Variants in ZNRF1 observed in about 807,000 individuals in gnomAD.
ZNRF1 encodes E3 ubiquitin-protein ligase ZNRF1.
ZNRF1 carries 3 observed loss-of-function variants against 18.4 expected under a neutral mutation model. The ratio of observed to expected loss-of-function variants is 0.16; its 90% confidence interval spans 0.07 to 0.42. The LOEUF is 0.42. Among genes scored for constraint, ZNRF1 ranks in the 10% least tolerant of loss-of-function variants. The probability of loss-of-function intolerance (pLI) is 0.99; values close to 1 mark genes in which losing one functional copy is unlikely to be tolerated. For synonymous variants in ZNRF1, 157 were observed against 144.2 expected, an observed-to-expected ratio of 1.09 and a Z score of -0.64; for missense variants, 310 against 329.8, an observed-to-expected ratio of 0.94 and a Z score of 0.47.
chr16:75,074,448 T>C (rs1004519956), intron 1 of ZNRF1, among the ~76,000 whole-genome samples: 4 of 152,186 alleles, frequency 2.6e-5, no homozygotes, highest in Non-Finnish European at 1.5e-5. Context: ...TACTATCACA[T>C]TGTGAATATT....
At chr16:75,022,577 A>G (rs1452118170) in intron 1 of ZNRF1, among the ~76,000 whole-genome samples, 3 of 151,772 alleles carry the variant, frequency 2.0e-5, no homozygotes, top group African/African-American at 7.3e-5. Flanking sequence ...AAAAAAAAAC[A>G]AAACAAAAAA....
chr16:75,101,429 C>A (rs1316887454), intron 2 of ZNRF1, among the ~76,000 whole-genome samples: 1 of 152,094 alleles, frequency 6.6e-6, no homozygotes, highest in African/African-American at 2.4e-5. Context: ...TGGCATGCAC[C>A]TGTAGTCCCA....
At chr16:75,028,195 A>G (rs1476107344) in intron 1 of ZNRF1, among the ~76,000 whole-genome samples, 7 of 152,182 alleles carry the variant, frequency 4.6e-5, no homozygotes, top group Non-Finnish European at 1.0e-4. Flanking sequence ...TTGGCATACT[A>G]ACTGCTGCTA....
chr16:75,040,037 T>A (rs34695508), intron 1 of ZNRF1, among the ~76,000 whole-genome samples: 1 of 124,816 alleles, frequency 8.0e-6, no homozygotes, highest in South Asian at 2.7e-4. Flanking sequence ...TTCTTTCTTT[T>A]CTTTCTTTTT....
chr16:75,050,465 G>T (rs2035579730), intron 1 of ZNRF1, among the ~76,000 whole-genome samples: 1 of 152,132 alleles, frequency 6.6e-6, no homozygotes, highest in African/African-American at 2.4e-5. Context: ...GGCAGAGGTT[G>T]CAGTAAGCTG....
At chr16:75,097,781 A>G (rs374595119) in intron 2 of ZNRF1, among the ~76,000 whole-genome samples, 1 of 152,214 alleles carries the variant, frequency 6.6e-6, no homozygotes, top group Admixed American at 6.5e-5. Context: ...ACGCCACTGC[A>G]CTCCAGCCTA....
chr16:75,086,405 A>G (rs2036074667), intron 1 of ZNRF1, among the ~76,000 whole-genome samples: 2 of 152,216 alleles, frequency 1.3e-5, no homozygotes, highest in South Asian at 4.1e-4. Flanking sequence ...TGAGTCCAGA[A>G]GAGAGGTTTT....
Position 75,024,123 on chromosome 16 carries a change from G to A in ZNRF1, c.424+24028G>A, listed in dbSNP as rs1597864036. Reference sequence around the variant, plus strand: ...GACCTCAGGTGATCCACCTGCCTTGGCCTCCCAAAGTGCTGAGATTACAGG... The same window carrying A: ...GACCTCAGGTGATCCACCTGCCTTGACCTCCCAAAGTGCTGAGATTACAGG... On this transcript the variant is annotated intron_variant, in intron 1 of 4. Coordinates refer to ENST00000335325, the MANE Select transcript of ZNRF1 (RefSeq NM_032268.5). 2.6e-5 allele frequency among the ~76,000 whole-genome samples: 4 copies of A among 152,148 alleles called. No homozygotes were observed. The South Asian group carries it at 8.3e-4, about 32-fold the overall frequency.
At chr16:75,062,578 C>T (rs1385750208) in intron 1 of ZNRF1, among the ~76,000 whole-genome samples, 2 of 152,234 alleles carry the variant, frequency 1.3e-5, no homozygotes, top group African/African-American at 4.8e-5. Context: ...CCGGGAGGAG[C>T]AGGGACGCCC....
chr16:75,034,557 A>G (rs2035352742), intron 1 of ZNRF1, among the ~76,000 whole-genome samples: 1 of 152,202 alleles, frequency 6.6e-6, no homozygotes. Context: ...GCCTTTGGAT[A>G]TTGTGAACAA....
intron 1 of ZNRF1, among the ~76,000 whole-genome samples, chr16:75,009,941 G>A (rs12600185): frequency 0.45 from 45,987 of 101,240 alleles, 8,202 homozygotes; most frequent in East Asian, 0.65. Context: ...TATCTTTTTT[G>A]GAGAAATAAT....
intron 1 of ZNRF1, among the ~76,000 whole-genome samples, chr16:75,062,636 C>T (rs756297392): frequency 2.0e-5 from 3 of 152,214 alleles, no homozygotes; most frequent in Non-Finnish European, 4.4e-5. Flanking sequence ...ACTGTTCCTG[C>T]GGTCCTCAGT....
At chr16:75,036,323 G>A (rs2035375423) in intron 1 of ZNRF1, among the ~76,000 whole-genome samples, 1 of 152,030 alleles carries the variant, frequency 6.6e-6, no homozygotes, top group Non-Finnish European at 1.5e-5. Context: ...TAGAGATGGG[G>A]TTTTACCATG....
intron 1 of ZNRF1, among the ~76,000 whole-genome samples, chr16:75,011,382 CTT>C (rs2034997595): frequency 6.6e-6 from 1 of 152,108 alleles, no homozygotes; most frequent in Admixed American, 6.5e-5. Context: ...TTCGAAGAAA[CTT>C]TTATTTTTTA....
chr16:75,044,623 G>A (rs2035491182), intron 1 of ZNRF1, among the ~76,000 whole-genome samples: 1 of 151,864 alleles, frequency 6.6e-6, no homozygotes, highest in Admixed American at 6.6e-5. Context: ...GCCTCATAAA[G>A]TGCTGGGATT....
intron 1 of ZNRF1, among the ~76,000 whole-genome samples, chr16:75,011,419 G>A (rs1012208491): frequency 1.3e-5 from 2 of 151,948 alleles, no homozygotes; most frequent in African/African-American, 2.4e-5. Context: ...TTTTTTCAGA[G>A]ACAAGGTCTC....
intron 1 of ZNRF1, among the ~76,000 whole-genome samples, chr16:75,054,185 G>A (rs769154794): frequency 2.0e-5 from 3 of 152,224 alleles, no homozygotes; most frequent in Non-Finnish European, 2.9e-5. Flanking sequence ...GTTTCAACAA[G>A]CAAAGTGCAT....
chr16:75,087,675 G>A lies in ZNRF1; in HGVS notation c.425-5897G>A, dbSNP rs369213084. On this transcript the variant is annotated intron_variant, in intron 1 of 4. Coordinates refer to ENST00000335325, the MANE Select transcript of ZNRF1 (RefSeq NM_032268.5). Reference sequence around the variant, plus strand: ...CATTCCCCACAATGCTCTGTCATTCGTTCCTTCCTCATCTGAACATACTGG... The same window carrying A: ...CATTCCCCACAATGCTCTGTCATTCATTCCTTCCTCATCTGAACATACTGG... Among the ~76,000 whole-genome samples, 21 of 152,268 alleles carry A rather than the reference G, an allele frequency of 1.4e-4. 2 individuals are homozygous for A. Among genetic ancestry groups the A allele is most frequent in the South Asian group, 1.0e-3 (5 of 4,818 alleles).
intron 1 of ZNRF1, among the ~76,000 whole-genome samples, chr16:75,050,746 C>T (rs2035586189): frequency 1.3e-5 from 2 of 150,960 alleles, no homozygotes; most frequent in Non-Finnish European, 2.9e-5. Context: ...TGGCAGGCGC[C>T]TGTAGTCCCA....
Sources: allele counts gnomAD v4.1 joint callset (sites outside exome capture counted in the v4.1 genomes callset), GRCh38; gene constraint gnomAD v4.1.1; transcripts MANE v1.5; gene names NCBI Gene and HGNC (gene_info 2026-07-23, HGNC 2026-07-21).